ARFGEF2: variants seen among roughly 807,000 people sequenced by gnomAD.
ARFGEF2 encodes ARF guanine nucleotide exchange factor 2.
In ARFGEF2, 74 loss-of-function variants were observed where a neutral mutation model predicts 219.9. The observed-to-expected ratio is 0.34, with a 90% CI of 0.28 to 0.41. The LOEUF (loss-of-function observed/expected upper bound fraction) is 0.41. Among genes scored for constraint, ARFGEF2 ranks in the 10% least tolerant of loss-of-function variants. The pLI is 1.00. For synonymous variants in ARFGEF2, 733 were observed against 799.2 expected, an observed-to-expected ratio of 0.92 and a Z score of 1.40; for missense variants, 1,743 against 2,218.3, an observed-to-expected ratio of 0.79 and a Z score of 4.30.
intron 1 of ARFGEF2, among the ~76,000 whole-genome samples, chr20:48,937,879 T>A (rs1434642214): frequency 1.3e-5 from 2 of 152,212 alleles, no homozygotes; most frequent in African/African-American, 4.8e-5. Context: ...TCAGAAGGCT[T>A]GTAAACTAGC....
In ARFGEF2 at chr20:49,034,907, C is replaced by G. The variant is rs149552930; in HGVS notation, c.*1708C>G. 6.6e-6 allele frequency: 1 copy of G among 152,294 alleles called. No homozygotes were observed. Among genetic ancestry groups the G allele is most frequent in the East Asian group, 1.9e-4 (1 of 5,186 alleles). The allele number at this position is 152,294 out of a possible 1,614,324, so 9.4% of individuals were successfully genotyped here. ...AAAAATGAGCAGGTTTAGGTTTTTA[C>G]ATGACTTATATACATTAGATAAAAG... On this transcript the variant is annotated 3_prime_UTR_variant, in exon 39 of 39. Transcript: ENST00000371917.
At chr20:48,993,699 G>A (rs1032757432) in intron 21 of ARFGEF2, among the ~76,000 whole-genome samples, 1 of 152,168 alleles carries the variant, frequency 6.6e-6, no homozygotes, top group Non-Finnish European at 1.5e-5. Flanking sequence ...CTACAGCTGA[G>A]CTTCAGGTAG....
intron 14 of ARFGEF2, among the ~76,000 whole-genome samples, chr20:48,978,697 T>A (rs936854095): frequency 2.0e-5 from 3 of 152,226 alleles, no homozygotes; most frequent in Non-Finnish European, 4.4e-5. Flanking sequence ...ACATCCCTTG[T>A]AAGTTGGATT....
intron 37 of ARFGEF2, among the ~76,000 whole-genome samples, chr20:49,028,905 G>A (rs1183611230): frequency 1.3e-5 from 2 of 152,304 alleles, no homozygotes; most frequent in East Asian, 3.9e-4. Flanking sequence ...GGTGCTGTGA[G>A]CTATGCATAG....
chr20:48,976,995 T>C (rs1028535863), intron 14 of ARFGEF2, among the ~76,000 whole-genome samples: 1 of 152,160 alleles, frequency 6.6e-6, no homozygotes, highest in Non-Finnish European at 1.5e-5. Context: ...TGTTTTCTTA[T>C]ACTTTAAGTT....
intron 1 of ARFGEF2, among the ~76,000 whole-genome samples, chr20:48,926,189 G>T (rs2090875815): frequency 6.6e-6 from 1 of 152,116 alleles, no homozygotes. Flanking sequence ...ATGTTTTCTT[G>T]CTTCTCCATA....
intron 33 of ARFGEF2, among the ~76,000 whole-genome samples, chr20:49,017,795 A>G (rs981273297): frequency 6.6e-6 from 1 of 152,232 alleles, no homozygotes. Context: ...GTGCATGCCT[A>G]GGAAAACCAG....
intron 23 of ARFGEF2, among the ~76,000 whole-genome samples, chr20:48,996,728 AC>A (rs1261793710): frequency 6.9e-6 from 1 of 145,628 alleles, no homozygotes; most frequent in Non-Finnish European, 1.5e-5. Flanking sequence ...TAGCAACAGA[AC>A]GAGACTCCGT....
At chr20:48,930,968 C>T (rs1013681190) in intron 1 of ARFGEF2, among the ~76,000 whole-genome samples, 8 of 152,042 alleles carry the variant, frequency 5.3e-5, no homozygotes, top group African/African-American at 1.7e-4. Context: ...AGCCCGAAGT[C>T]GAGAAAATTT....
At chr20:48,922,809 T>C (rs1203698066) in intron 1 of ARFGEF2, among the ~76,000 whole-genome samples, 1 of 152,220 alleles carries the variant, frequency 6.6e-6, no homozygotes, top group Non-Finnish European at 1.5e-5. Context: ...TAACAAATAT[T>C]TATCAAGTGC....
Position 48,971,134 on chromosome 20 carries a change from G to A in ARFGEF2, c.1205G>A (p.Arg402His), listed in dbSNP as rs762557818. The A allele has an allele frequency of 1.4e-5, 22 of 1,613,868 alleles. No homozygotes were observed. Among genetic ancestry groups the A allele is most frequent in the South Asian group, 3.3e-5 (3 of 91,072 alleles). The change falls in exon 10 of 39, where the codon CGT becomes CAT. Residue 402 changes from arginine (R) to histidine (H), a missense_variant. By Grantham distance (29) the Arg-to-His change is conservative. This residue lies in a region of ARFGEF2 where 666 missense variants were observed against 955.4 expected (regional missense o/e 0.70). Transcript: ENST00000371917. ...TTCTTTGCCAGATCCCATGAGCTGCGTTCCAAGGTGGTTTCCCTGCAGCTG... is the reference window on the plus strand; with the variant it reads ...TTCTTTGCCAGATCCCATGAGCTGCATTCCAAGGTGGTTTCCCTGCAGCTG... ...GPPDPKSHEL[R>H]SKVVSLQLLL...
intron 18 of ARFGEF2, 105 bp from the exon 19 acceptor site, chr20:48,989,180 G>A (rs1010510147): frequency 3.1e-6 from 4 of 1,272,436 alleles, no homozygotes; most frequent in Non-Finnish European, 4.5e-6. Flanking sequence ...CGAGATGGTT[G>A]GGAGGATTTA....
At chr20:49,008,577 C>T (rs1305350976) in intron 26 of ARFGEF2, among the ~76,000 whole-genome samples, 3 of 150,760 alleles carry the variant, frequency 2.0e-5, no homozygotes, top group African/African-American at 4.9e-5. Context: ...AAAAAAAGTT[C>T]ACAATGTTTA....
rs1435997042 is a variant in ARFGEF2 at position 49,005,235 on chromosome 20, T to C, written c.3584+14T>C. On this transcript the variant is annotated intron_variant, in intron 26 of 38. Coordinates refer to ENST00000371917, the MANE Select transcript of ARFGEF2 (RefSeq NM_006420.3). ...GAAGAAAAACAGGTATGTGTTTTGC[T>C]CTGGAAGACGCTTGGTCAAATTCCC... 6.2e-7 allele frequency: 1 copy of C among 1,614,056 alleles called. No homozygotes were observed. The highest frequency in any genetic ancestry group is 1.7e-5 in the Admixed American group (1 of 60,028).
intron 28 of ARFGEF2, 133 bp from the exon 29 acceptor site, chr20:49,013,431 C>G: frequency 9.0e-7 from 1 of 1,113,124 alleles, no homozygotes; most frequent in South Asian, 1.3e-5. Context: ...GTAGTCTGTT[C>G]CCACTGTACC....
At chr20:48,996,222 A>G (rs1344149204) in intron 23 of ARFGEF2, among the ~76,000 whole-genome samples, 2 of 143,896 alleles carry the variant, frequency 1.4e-5, no homozygotes, top group Non-Finnish European at 3.1e-5. Flanking sequence ...TTGGGAGGTC[A>G]AGGCAGGCAG....
intron 3 of ARFGEF2, among the ~76,000 whole-genome samples, chr20:48,951,077 C>T (rs996400548): frequency 5.3e-5 from 8 of 151,830 alleles, no homozygotes; most frequent in Non-Finnish European, 1.2e-4. Context: ...GAGATGGTTG[C>T]GTACTGGGGA....
chr20:48,995,148 A>G (rs77828712), intron 22 of ARFGEF2, among the ~76,000 whole-genome samples: 2,507 of 152,318 alleles, frequency 0.016, 92 homozygotes, highest in African/African-American at 0.058. Flanking sequence ...AAACAATCCA[A>G]TGAGAACAGG....
chr20:48,961,207 T>C (rs2091148456), intron 6 of ARFGEF2, among the ~76,000 whole-genome samples: 1 of 151,918 alleles, frequency 6.6e-6, no homozygotes, highest in East Asian at 1.9e-4. Context: ...TAATAGCACC[T>C]AGTTTAAAAC....
Sources: gnomAD v4.1 joint callset for allele counts (sites outside exome capture counted in the v4.1 genomes callset) on GRCh38, gnomAD v4.1.1 for gene constraint, gnomAD v4.1.1 regional missense constraint, MANE v1.5 for transcripts, NCBI Gene and HGNC (gene_info 2026-07-23, HGNC 2026-07-21) for gene names.